SGIP1: variants seen among roughly 807,000 people sequenced by gnomAD.
The protein encoded by SGIP1 is SH3-containing GRB2-like protein 3-interacting protein 1.
Under a neutral mutation model 107.5 loss-of-function variants are expected in SGIP1, and 38 were observed. The ratio of observed to expected loss-of-function variants is 0.35; its 90% CI spans 0.27 to 0.46. The LOEUF is 0.46. SGIP1 is among the 20% of genes least tolerant of loss of function. The pLI is 1.00. For missense variants in SGIP1, 929 were observed against 1,019.5 expected (o/e 0.91, Z 1.21); for synonymous variants, 365 against 366.1 (o/e 1.00, Z 0.03).
At chr1:66,627,810 A>G (rs1244780218) in intron 2 of SGIP1, among the ~76,000 whole-genome samples, 2 of 152,148 alleles carry the variant, frequency 1.3e-5, no homozygotes, top group Non-Finnish European at 2.9e-5. Flanking sequence ...CAGGTTTGTT[A>G]CATATGTATA....
intron 8 of SGIP1, among the ~76,000 whole-genome samples, chr1:66,663,600 A>G (rs910617412): frequency 1.4e-4 from 21 of 152,156 alleles, no homozygotes; most frequent in African/African-American, 4.8e-4. Context: ...TCTTAATTAT[A>G]GACCTTGAGG....
rs556597880 is a variant in SGIP1 at position 66,750,205 on chromosome 1, C to T, written c.*7110C>T. 7.8e-4 allele frequency among the ~76,000 whole-genome samples: 119 copies of T among 152,266 alleles called. No individual in the cohort carries two copies. Among genetic ancestry groups the T allele is most frequent in the African/African-American group, 2.7e-3 (112 of 41,546 alleles). ...ACCACAGGCCAAGCAGTAATGTATA[C>T]AGCTGGCTTTTTAAGCTGTTTGAAC... On this transcript the variant is annotated 3_prime_UTR_variant, in exon 25 of 25. Coordinates refer to ENST00000371037, the MANE Select transcript of SGIP1 (RefSeq NM_032291.4).
At chr1:66,579,108 G>A (rs1172047345) in intron 1 of SGIP1, among the ~76,000 whole-genome samples, 2 of 152,204 alleles carry the variant, frequency 1.3e-5, no homozygotes, top group Non-Finnish European at 2.9e-5. Context: ...TTTGGGGTCT[G>A]TAAAATTACA....
Position 66,543,955 on chromosome 1 carries a change from G to A in SGIP1, c.10+9587G>A, listed in dbSNP as rs545263372. ...TGGTAAAGTTTAATTTATAAATTAG[G>A]CACAGTAAGAGATTGGCAATAATAA... On this transcript the variant is annotated intron_variant, in intron 1 of 24. Transcript: ENST00000371037. 3.3e-5 allele frequency among the ~76,000 whole-genome samples: 5 copies of A among 152,174 alleles called. No individual in the cohort carries two copies. In the East Asian group the frequency reaches 9.6e-4, roughly 29 times the overall value.
chr1:66,559,400 A>C (rs2058623341), intron 1 of SGIP1, among the ~76,000 whole-genome samples: 1 of 152,078 alleles, frequency 6.6e-6, no homozygotes, highest in Non-Finnish European at 1.5e-5. Context: ...ATAAATACAA[A>C]TACCTACACA....
chr1:66,583,991 A>G (rs1038395501), intron 1 of SGIP1, among the ~76,000 whole-genome samples: 2 of 152,186 alleles, frequency 1.3e-5, no homozygotes, highest in African/African-American at 2.4e-5. Flanking sequence ...ACAGGAAGCC[A>G]GTGATTCCCA....
Position 66,729,270 on chromosome 1 carries a change from C to T in SGIP1, c.1749C>T (p.Ile583=), listed in dbSNP as rs375102916. ...YFKGADPSKC[I]VKITGEMVLS... is the part of the protein sequence containing the mutation. ...CTGTGTTTTGATATGCCAGATGTATCGTTAAGATTACCGGAGAAATGGTGT... is the reference window on the plus strand; with the variant it reads ...CTGTGTTTTGATATGCCAGATGTATTGTTAAGATTACCGGAGAAATGGTGT... The change falls in exon 20 of 25, where the codon ATC becomes ATT. Residue 583 remains isoleucine, a synonymous_variant. Coordinates refer to ENST00000371037, the MANE Select transcript of SGIP1 (RefSeq NM_032291.4). 35 of 1,613,880 alleles carry T rather than the reference C, an allele frequency of 2.2e-5. No homozygotes were observed. In the African/African-American group the frequency reaches 3.1e-4, roughly 14 times the overall value.
intron 12 of SGIP1, among the ~76,000 whole-genome samples, chr1:66,675,403 A>T (rs955109868): frequency 6.6e-6 from 1 of 152,072 alleles, no homozygotes; most frequent in Non-Finnish European, 1.5e-5. Flanking sequence ...ACTTCTGTAA[A>T]GTTCCTGCCT....
At chr1:66,725,506 C>T (rs1450200012) in intron 19 of SGIP1, among the ~76,000 whole-genome samples, 3 of 152,186 alleles carry the variant, frequency 2.0e-5, no homozygotes, top group Non-Finnish European at 4.4e-5. Flanking sequence ...GCTGTGGAGA[C>T]ATTGGAGGAA....
chr1:66,737,372 C>A (rs116656127), intron 21 of SGIP1, among the ~76,000 whole-genome samples: 1 of 151,968 alleles, frequency 6.6e-6, no homozygotes, highest in African/African-American at 2.4e-5. Context: ...TCACCTATTG[C>A]AGTATGAGCT....
chr1:66,676,914 G>T, intron 12 of SGIP1, 90 bp from the exon 13 acceptor site: 3 of 995,418 alleles, frequency 3.0e-6, no homozygotes, highest in Non-Finnish European at 4.5e-6. Context: ...AAATAATTTT[G>T]TAAAGCTCAA....
chr1:66,667,982 G>C (rs534950861), intron 9 of SGIP1, among the ~76,000 whole-genome samples: 1 of 152,082 alleles, frequency 6.6e-6, no homozygotes, highest in Non-Finnish European at 1.5e-5. Flanking sequence ...TATGTTCCTG[G>C]ACCATAACTT....
At chr1:66,718,673 C>G (rs1052326003) in intron 18 of SGIP1, among the ~76,000 whole-genome samples, 1 of 152,024 alleles carries the variant, frequency 6.6e-6, no homozygotes, top group African/African-American at 2.4e-5. Context: ...AGGTGTTCAA[C>G]AGACATGAGA....
At chr1:66,547,033 AT>A (rs1293058566) in intron 1 of SGIP1, among the ~76,000 whole-genome samples, 1 of 150,262 alleles carries the variant, frequency 6.7e-6, no homozygotes, top group African/African-American at 2.4e-5. Flanking sequence ...AAGCTGTAAA[AT>A]TTTTATGTAA....
At chr1:66,694,212 C>T (rs904456218) in intron 17 of SGIP1, among the ~76,000 whole-genome samples, 2 of 43,076 alleles carry the variant, frequency 4.6e-5, no homozygotes, top group East Asian at 1.6e-3. Flanking sequence ...ATGCTAAACC[C>T]TGGCTTTTTT....
chr1:66,689,869 T>G (rs1254233202), intron 16 of SGIP1, among the ~76,000 whole-genome samples: 1 of 152,228 alleles, frequency 6.6e-6, no homozygotes, highest in African/African-American at 2.4e-5. Flanking sequence ...AGTCGTTAGC[T>G]TTAGACGAGT....
chr1:66,681,134 C>T (rs10789214), intron 14 of SGIP1, among the ~76,000 whole-genome samples: 103,357 of 152,076 alleles, frequency 0.68, 36,456 homozygotes, highest in East Asian at 1. Context: ...TTTTCTTCTC[C>T]ATTAAGCAGG....
chr1:66,737,535 AAAAT>A (rs921070635), intron 21 of SGIP1, among the ~76,000 whole-genome samples: 3 of 152,128 alleles, frequency 2.0e-5, no homozygotes, highest in African/African-American at 7.2e-5. Context: ...TCTACTTTTT[AAAAT>A]AAATAAATAA....
chr1:66,708,859 A>C (rs926873847), intron 18 of SGIP1, among the ~76,000 whole-genome samples: 1 of 152,178 alleles, frequency 6.6e-6, no homozygotes, highest in East Asian at 1.9e-4. Flanking sequence ...GACTGGAAAT[A>C]ACTCTAATCC....
Sources: allele counts gnomAD v4.1 joint callset (sites outside exome capture counted in the v4.1 genomes callset), GRCh38; gene constraint gnomAD v4.1.1; transcripts MANE v1.5; gene names NCBI Gene and HGNC (gene_info 2026-07-23, HGNC 2026-07-21).